MYH14: variants seen among roughly 807,000 people sequenced by gnomAD.
MYH14 encodes myosin-14.
Under a neutral mutation model 255.5 loss-of-function variants are expected in MYH14, and 123 were observed. The ratio of observed to expected loss-of-function variants is 0.48; its 90% CI spans 0.42 to 0.56. The LOEUF is 0.56. Among genes scored for constraint, MYH14 ranks in the 20% least tolerant of loss-of-function variants. MYH14 has a pLI of 0.00. For synonymous variants in MYH14, 1,095 were observed against 1,161.2 expected (o/e 0.94, Z 1.16); for missense variants, 2,423 against 2,802.3 (o/e 0.86, Z 3.06).
chr19:50,218,982 G>C (rs1204251754), intron 3 of MYH14, among the ~76,000 whole-genome samples: 8 of 145,438 alleles, frequency 5.5e-5, no homozygotes. Flanking sequence ...GTGTATGTGT[G>C]TCTATATATC....
intron 20 of MYH14, 33 bp downstream of exon 20, chr19:50,260,748 C>CAT (rs1555768390): frequency 2.0e-5 from 26 of 1,318,802 alleles, no homozygotes; most frequent in African/African-American, 1.0e-4. Flanking sequence ...TGCGTGTGTG[C>CAT]GTGTGTGTGT....
chr19:50,286,705 CCCCCGCT>C lies in MYH14; in HGVS notation c.4752+17_4752+23del. Reference sequence around the variant, plus strand: ...GACGTCGGCAAGAGCGTGAGCAGGGCCCCCGCTCCCCGGGACACACTGGGTGAGGGGA... The same window carrying C: ...GACGTCGGCAAGAGCGTGAGCAGGGCCCCCGGGACACACTGGGTGAGGGGA... On this transcript the variant is annotated intron_variant, in intron 34 of 42. Coordinates refer to ENST00000642316, the MANE Select transcript of MYH14 (RefSeq NM_001145809.2). 6.4e-7 allele frequency: 1 copy of C among 1,558,626 alleles called. No homozygotes were observed.
intron 10 of MYH14, among the ~76,000 whole-genome samples, chr19:50,241,932 C>T (rs374349695): frequency 1.9e-4 from 29 of 152,304 alleles, no homozygotes; most frequent in East Asian, 1.7e-3. Context: ...GGCGTGAGCC[C>T]GTACCACCAC....
At chr19:50,303,322 A>G (rs2036554376) in intron 40 of MYH14, among the ~76,000 whole-genome samples, 1 of 152,070 alleles carries the variant, frequency 6.6e-6, no homozygotes, top group Admixed American at 6.6e-5. Flanking sequence ...TTTGCCTAGG[A>G]CAACTAAGCT....
chr19:50,289,686 C>A, intron 35 of MYH14, 38 bp downstream of exon 35: 3 of 1,555,694 alleles, frequency 1.9e-6, no homozygotes, highest in Non-Finnish European at 8.7e-7. Context: ...GCCAGTCCAG[C>A]TGGGGTATGC....
rs1326513976 is a variant in MYH14, at chr19:50,255,325, G to A, written c.2044+7G>A. On this transcript the variant is annotated splice_region_variant and intron_variant, in intron 17 of 42. Transcript: ENST00000642316. Reference sequence around the variant, plus strand: ...GCTATTTCTCCGCCAGGGGGTGGGTGTCTCTGTGCATCGATGGGTGAGGCT... The same window carrying A: ...GCTATTTCTCCGCCAGGGGGTGGGTATCTCTGTGCATCGATGGGTGAGGCT... The A allele has an allele frequency of 1.3e-6, 2 of 1,548,626 alleles. No homozygotes were observed. The highest frequency in any genetic ancestry group is 1.7e-6 in the Non-Finnish European group (2 of 1,145,148).
In MYH14 at chr19:50,271,986, C is replaced by T. The variant is rs2035319920; in HGVS notation, c.3295+14C>T. On this transcript the variant is annotated intron_variant, in intron 26 of 42. Transcript: ENST00000642316. The stretch of plus-strand genomic sequence containing the variant: ...CAGACATGGAGGGTGAGCTCCCGCC[C>T]AGCCAGTAGGGGTCTGTGTGTGCTC... 3.1e-6 allele frequency: 5 copies of T among 1,605,368 alleles called. No individual in the cohort carries two copies. Among genetic ancestry groups the T allele is most frequent in the African/African-American group, 1.3e-5 (1 of 74,828 alleles).
intron 41 of MYH14, among the ~76,000 whole-genome samples, chr19:50,307,868 T>G (rs1003426764): frequency 5.9e-5 from 9 of 152,342 alleles, no homozygotes; most frequent in African/African-American, 2.2e-4. Context: ...AGCTGTGCTT[T>G]ATTCGCCATT....
At chr19:50,240,525 A>G (rs1417946298) in intron 10 of MYH14, among the ~76,000 whole-genome samples, 4 of 152,132 alleles carry the variant, frequency 2.6e-5, no homozygotes, top group African/African-American at 9.7e-5. Flanking sequence ...GGCTGCAGTA[A>G]GCTATGATCA....
At chr19:50,264,055 C>CAAAAAAAAAAA (rs34015428) in intron 22 of MYH14, among the ~76,000 whole-genome samples, 8 of 33,360 alleles carry the variant, frequency 2.4e-4, no homozygotes, top group East Asian at 1.0e-3. Flanking sequence ...AACTCTGTCT[C>CAAAAAAAAAAA]AAAAAAAAAA....
intron 22 of MYH14, among the ~76,000 whole-genome samples, chr19:50,264,908 A>C (rs546122849): frequency 6.6e-6 from 1 of 152,280 alleles, no homozygotes; most frequent in South Asian, 2.1e-4. Flanking sequence ...CCCAGGGGGA[A>C]ATTGGAAAGG....
intron 35 of MYH14, 135 bp downstream of exon 35, chr19:50,289,783 G>GT: frequency 1.3e-6 from 1 of 770,326 alleles, no homozygotes; most frequent in South Asian, 1.7e-5. Context: ...CGACCACTCA[G>GT]TATCTCCCCA....
chr19:50,304,065 C>T (rs1340904356), intron 40 of MYH14, among the ~76,000 whole-genome samples: 1 of 152,152 alleles, frequency 6.6e-6, no homozygotes, highest in East Asian at 1.9e-4. Context: ...AGGTGTTGGA[C>T]TACTTGTATA....
chr19:50,275,671 A>G (rs1469407473), intron 27 of MYH14, among the ~76,000 whole-genome samples: 3 of 152,112 alleles, frequency 2.0e-5, no homozygotes, highest in Non-Finnish European at 2.9e-5. Context: ...CTTTGGGGAA[A>G]AAAGATTAGC....
chr19:50,230,555 A>G lies in MYH14; in HGVS notation c.905A>G (p.Gln302Arg), dbSNP rs760011035. ...YLLEKSRAIR[Q>R]AKDECSFHIF... Reference sequence around the variant, plus strand: ...CTGGAGAAGTCGCGGGCCATCCGCCAGGCCAAGGACGAGTGCAGCTTCCAC... The same window carrying G: ...CTGGAGAAGTCGCGGGCCATCCGCCGGGCCAAGGACGAGTGCAGCTTCCAC... Residue 302 changes from glutamine (Q) to arginine (R), a missense_variant, in exon 9 of 43, where the codon CAG (glutamine) becomes CGG (arginine). Physicochemically the swap from Gln to Arg is conservative, Grantham distance 43. This residue lies in a region of MYH14 where 672 missense variants were observed against 881.8 expected (regional missense o/e 0.76). Coordinates refer to ENST00000642316, the MANE Select transcript of MYH14 (RefSeq NM_001145809.2). The surrounding 1 kb of genome is among the most constrained non-coding windows in gnomAD (Gnocchi z 4.7). The G allele has an allele frequency of 1.7e-5, 26 of 1,569,960 alleles. No individual in the cohort carries two copies. The highest frequency in any genetic ancestry group is 2.2e-5 in the Non-Finnish European group (26 of 1,158,084).
In MYH14 at chr19:50,280,529, C is replaced by G; in HGVS notation, c.4290+146C>G. The G allele has an allele frequency of 1.2e-6, 1 of 844,852 alleles. No homozygotes were observed. The highest frequency in any genetic ancestry group is 2.7e-5 in the East Asian group (1 of 37,234). 52.3% of individuals were successfully genotyped at this position (844,852 alleles called of 1,614,324 possible). On this transcript the variant is annotated intron_variant, in intron 32 of 42. Transcript: ENST00000642316. This position sits in a 1 kb window ranked among gnomAD's most constrained non-coding sequence, Gnocchi z 4.8. ...TTTCTCATCTCTGACTCCCCCTTAC[C>G]CCCCACAGCCCATGCCCAGCCCTGG...
intron 27 of MYH14, 113 bp downstream of exon 27, chr19:50,272,844 G>C: frequency 4.7e-6 from 5 of 1,066,918 alleles, no homozygotes; most frequent in Non-Finnish European, 5.4e-6. Context: ...CCACTCACCA[G>C]CCACAGACAG....
chr19:50,237,184 A>T (rs2033694722), intron 10 of MYH14, among the ~76,000 whole-genome samples: 2 of 152,172 alleles, frequency 1.3e-5, no homozygotes, highest in Non-Finnish European at 2.9e-5. Flanking sequence ...AAAATTTCAA[A>T]CATGTATGCA....
chr19:50,260,780 CAT>C, intron 20 of MYH14, 65 bp downstream of exon 20: 1 of 1,233,014 alleles, frequency 8.1e-7, no homozygotes, highest in Non-Finnish European at 1.2e-6. Context: ...AGTGTGCGTG[CAT>C]GTGTGTGTGC....
Sources: gnomAD v4.1 joint callset for allele counts (sites outside exome capture counted in the v4.1 genomes callset) on GRCh38, gnomAD v4.1.1 for gene constraint, gnomAD v4.1.1 regional missense constraint, Gnocchi (gnomAD v3.1) non-coding constraint, MANE v1.5 for transcripts, NCBI Gene and HGNC (gene_info 2026-07-23, HGNC 2026-07-21) for gene names.